Variants in ANKS1A observed in about 807,000 individuals in gnomAD.
ANKS1A encodes the protein ankyrin repeat and SAM domain-containing protein 1A.
ANKS1A carries 55 observed loss-of-function variants against 120.3 expected under a neutral mutation model. That is an observed-to-expected ratio of 0.46 (90% CI 0.37 to 0.57). ANKS1A has a LOEUF of 0.57. Ranked by LOEUF, ANKS1A falls within the 20% of genes least tolerant of loss-of-function variation. ANKS1A has a pLI of 0.00. For missense variants in ANKS1A, 1,123 were observed against 1,480.3 expected, an observed-to-expected ratio of 0.76 and a Z score of 3.96; for synonymous variants, 590 against 604.7, an observed-to-expected ratio of 0.98 and a Z score of 0.36.
chr6:35,032,648 A>G (rs189595785), intron 11 of ANKS1A, among the ~76,000 whole-genome samples: 9 of 152,234 alleles, frequency 5.9e-5, no homozygotes, highest in Admixed American at 2.0e-4. Flanking sequence ...GCGCTTGGGC[A>G]TAGATAGGTA....
chr6:34,987,515 G>A (rs1487741629), intron 8 of ANKS1A, among the ~76,000 whole-genome samples: 1 of 152,146 alleles, frequency 6.6e-6, no homozygotes, highest in Non-Finnish European at 1.5e-5. Context: ...CTGGAACCAG[G>A]TTCCTGCACT....
chr6:35,083,903 A>T (rs2127613002), intron 20 of ANKS1A, among the ~76,000 whole-genome samples: 1 of 152,208 alleles, frequency 6.6e-6, no homozygotes, highest in Admixed American at 6.5e-5. Context: ...TTGGGTGTGA[A>T]CATTTTACTG....
intron 8 of ANKS1A, among the ~76,000 whole-genome samples, chr6:34,988,217 A>G (rs950053817): frequency 6.6e-6 from 1 of 152,234 alleles, no homozygotes; most frequent in Non-Finnish European, 1.5e-5. Flanking sequence ...ATCTGTGGCT[A>G]CTTTTGCATT....
In ANKS1A at chr6:35,088,668, T is replaced by G. The variant is rs1778130976; in HGVS notation, c.*59T>G. On this transcript the variant is annotated 3_prime_UTR_variant, in exon 24 of 24. Coordinates refer to ENST00000360359, the MANE Select transcript of ANKS1A (RefSeq NM_015245.3). ...TAGACGTGGGGGCATAGGCTCCCAC[T>G]GCCACCACCGCCATCGCCTCACCTG... The G allele has an allele frequency of 2.5e-6, 4 of 1,613,128 alleles. No homozygotes were observed. Among genetic ancestry groups the G allele is most frequent in the Non-Finnish European group, 3.4e-6 (4 of 1,179,518 alleles).
intron 10 of ANKS1A, among the ~76,000 whole-genome samples, chr6:35,001,471 C>T (rs1006142493): frequency 9.2e-5 from 14 of 152,218 alleles, no homozygotes; most frequent in African/African-American, 3.1e-4. Context: ...TAGCTCTTTT[C>T]CGGGATTCTA....
rs1777906557 is a variant in ANKS1A at position 35,085,354 on chromosome 6, C to T, written c.3133-412C>T. 6.6e-6 allele frequency among the ~76,000 whole-genome samples: 1 copy of T among 152,164 alleles called. No homozygotes were observed. Among genetic ancestry groups the T allele is most frequent in the African/African-American group, 2.4e-5 (1 of 41,436 alleles). ...AATCACTGTGCTGTGTAAAATCACA[C>T]AAGGAAAACCACAGGGTTTATGGGG... On this transcript the variant is annotated intron_variant, in intron 21 of 23. Transcript: ENST00000360359. This position sits in a 1 kb window ranked among gnomAD's most constrained non-coding sequence, Gnocchi z 4.7.
rs1383454770 is a variant in ANKS1A at position 34,920,748 on chromosome 6, GA to G, written c.197+31151del. ...TTAAAAAAAGAAAAGAAAAATAAAA[GA>G]ATGATGTAAAGTGCTCAGAGTCATT... On this transcript the variant is annotated intron_variant, in intron 1 of 23. Transcript: ENST00000360359. 2.6e-5 allele frequency among the ~76,000 whole-genome samples: 4 copies of G among 152,118 alleles called. No homozygotes were observed. In the East Asian group the frequency reaches 7.7e-4, roughly 29 times the overall value.
intron 1 of ANKS1A, among the ~76,000 whole-genome samples, chr6:34,915,153 G>A (rs1188294876): frequency 6.6e-6 from 1 of 152,182 alleles, no homozygotes; most frequent in East Asian, 1.9e-4. Context: ...GTCATTTGAA[G>A]TCTATCTACC....
At chr6:34,934,694 G>T (rs1002657239) in intron 1 of ANKS1A, among the ~76,000 whole-genome samples, 2 of 152,224 alleles carry the variant, frequency 1.3e-5, no homozygotes, top group African/African-American at 2.4e-5. Context: ...AGTGGGCGTC[G>T]TGACAAGTTG....
chr6:34,941,174 G>C (rs1769513364), intron 1 of ANKS1A, among the ~76,000 whole-genome samples: 1 of 151,980 alleles, frequency 6.6e-6, no homozygotes, highest in Admixed American at 6.5e-5. Flanking sequence ...TTTTAGTAGA[G>C]ACAGGGTTTC....
At chr6:35,047,600 C>G (rs1474596009) in intron 11 of ANKS1A, among the ~76,000 whole-genome samples, 3 of 152,176 alleles carry the variant, frequency 2.0e-5, no homozygotes, top group Non-Finnish European at 2.9e-5. Context: ...GAACTAGAAC[C>G]CAAATACATA....
At chr6:34,965,160 C>T (rs1770831733) in intron 1 of ANKS1A, among the ~76,000 whole-genome samples, 1 of 152,106 alleles carries the variant, frequency 6.6e-6, no homozygotes, top group Admixed American at 6.6e-5. Flanking sequence ...TTAATCTACT[C>T]TCCTGATAAA....
chr6:35,073,666 C>G (rs2127600935), intron 13 of ANKS1A, among the ~76,000 whole-genome samples: 1 of 152,364 alleles, frequency 6.6e-6, no homozygotes, highest in East Asian at 1.9e-4. Flanking sequence ...GGACAATGAA[C>G]TGTTGTCCTT....
downstream of ANKS1A, among the ~76,000 whole-genome samples, chr6:35,095,556 CAAAAAAA>C (rs34931330): frequency 1.8e-5 from 1 of 55,306 alleles, no homozygotes; most frequent in Non-Finnish European, 3.7e-5. Flanking sequence ...GACTGTGTCA[CAAAAAAA>C]AAAAAAAAAA....
Position 34,982,958 on chromosome 6 carries a change from A to C in ANKS1A, c.808+131A>C. ...TGTGTATCTCCACTGGTTGATTACA[A>C]GTGTGTAAACTGTTCTTGAATAGCT... On this transcript the variant is annotated intron_variant, in intron 5 of 23. Coordinates refer to ENST00000360359, the MANE Select transcript of ANKS1A (RefSeq NM_015245.3). The surrounding 1 kb of genome is among the most constrained non-coding windows in gnomAD (Gnocchi z 4.9). 1 of 1,291,834 alleles carries C rather than the reference A, an allele frequency of 7.7e-7. No homozygotes were observed. The highest frequency in any genetic ancestry group is 2.3e-5 in the East Asian group (1 of 43,232). 80.0% of individuals were successfully genotyped at this position (1,291,834 alleles called of 1,614,324 possible).
intron 12 of ANKS1A, among the ~76,000 whole-genome samples, chr6:35,054,487 T>C (rs1776113001): frequency 6.6e-6 from 1 of 152,196 alleles, no homozygotes; most frequent in Non-Finnish European, 1.5e-5. Flanking sequence ...TAAATCAGAG[T>C]GCACCTCAGC....
At chr6:35,097,637 G>GAAAAAAAAAAAAAA in the ANKS1A span, among the ~76,000 whole-genome samples, 2 of 89,738 alleles carry the variant, frequency 2.2e-5, no homozygotes, top group African/African-American at 9.4e-5. Flanking sequence ...AAAGCCAAAA[G>GAAAAAAAAAAAAAA]AAAAAAAAAA....
At chr6:35,024,557 T>C (rs1774512675) in intron 11 of ANKS1A, among the ~76,000 whole-genome samples, 1 of 152,238 alleles carries the variant, frequency 6.6e-6, no homozygotes, top group Non-Finnish European at 1.5e-5. Context: ...GTATGCATTT[T>C]GTATAAGATG....
chr6:35,010,199 T>C (rs1773685634), intron 10 of ANKS1A, among the ~76,000 whole-genome samples: 2 of 151,462 alleles, frequency 1.3e-5, no homozygotes, highest in Admixed American at 6.6e-5. Flanking sequence ...TTTTAAAGAG[T>C]AGAGCTTATG....
Sources: gnomAD v4.1 joint callset for allele counts (sites outside exome capture counted in the v4.1 genomes callset) on GRCh38, gnomAD v4.1.1 for gene constraint, Gnocchi (gnomAD v3.1) non-coding constraint, MANE v1.5 for transcripts, NCBI Gene and HGNC (gene_info 2026-07-23, HGNC 2026-07-21) for gene names.